The following BMAL2 variants were observed in gnomAD, a reference collection of about 807,000 sequenced individuals.
The protein encoded by BMAL2 is basic helix-loop-helix ARNT-like protein 2.
At chr12:27,332,933 G>C in the BMAL2 span, 5 of 526,122 alleles carry the variant, frequency 9.5e-6, no homozygotes, top group African/African-American at 8.2e-5. Context: ...CTGCGGTGGC[G>C]GCCGCCGCGG....
the BMAL2 span, chr12:27,380,394 A>C: frequency 1.2e-6 from 2 of 1,613,968 alleles, no homozygotes; most frequent in Admixed American, 3.3e-5. Flanking sequence ...AACACTTGAG[A>C]TCTTTAAAAG....
the BMAL2 span, chr12:27,420,590 A>G: frequency 6.7e-7 from 1 of 1,490,514 alleles, no homozygotes; most frequent in Non-Finnish European, 9.0e-7. Flanking sequence ...TTTACGAAAA[A>G]CTGTCTCAAC....
the BMAL2 span, chr12:27,368,291 A>G: frequency 1.2e-6 from 2 of 1,614,126 alleles, no homozygotes; most frequent in Non-Finnish European, 1.7e-6. Context: ...GAACCAGTGC[A>G]TTGCTCCTGT....
chr12:27,387,471 G>A, the BMAL2 span: 1 of 616,078 alleles, frequency 1.6e-6, no homozygotes. Flanking sequence ...AAAGCTGTGT[G>A]GAAAGAGTAA....
At chr12:27,344,646 T>C in the BMAL2 span, among the ~76,000 whole-genome samples, 1 of 152,180 alleles carries the variant, frequency 6.6e-6, no homozygotes, top group Non-Finnish European at 1.5e-5. Flanking sequence ...CCAGATTATC[T>C]AGGATAATCT....
chr12:27,334,789 C>T, the BMAL2 span, among the ~76,000 whole-genome samples: 1 of 152,312 alleles, frequency 6.6e-6, no homozygotes, highest in South Asian at 2.1e-4. Flanking sequence ...TGGGAGAGCC[C>T]GCAGGTATGA....
the BMAL2 span, chr12:27,368,168 G>A: frequency 7.0e-7 from 1 of 1,438,702 alleles, no homozygotes; most frequent in Non-Finnish European, 9.4e-7. Context: ...TAAATATCAA[G>A]ATAGAAAAGT....
the BMAL2 span, among the ~76,000 whole-genome samples, chr12:27,371,550 G>A: frequency 6.6e-6 from 1 of 152,110 alleles, no homozygotes; most frequent in East Asian, 1.9e-4. Flanking sequence ...GGATAAACAC[G>A]AACTAAGTCA....
At chr12:27,390,070 T>C in the BMAL2 span, 1 of 1,607,628 alleles carries the variant, frequency 6.2e-7, no homozygotes, top group East Asian at 2.2e-5. Context: ...TTTCCACCTA[T>C]TCTCTCGCCC....
chr12:27,374,876 T>G, the BMAL2 span, among the ~76,000 whole-genome samples: 1 of 152,176 alleles, frequency 6.6e-6, no homozygotes, highest in South Asian at 2.1e-4. Context: ...GAGAATCAAG[T>G]GTGGAAATAT....
the BMAL2 span, among the ~76,000 whole-genome samples, chr12:27,356,111 A>G: frequency 3.7e-3 from 565 of 152,254 alleles, 4 homozygotes; most frequent in African/African-American, 0.013. Flanking sequence ...TATTTCCCCA[A>G]CCAAGATGGA....
chr12:27,384,329 A>G, the BMAL2 span, among the ~76,000 whole-genome samples: 1 of 152,220 alleles, frequency 6.6e-6, no homozygotes, highest in African/African-American at 2.4e-5. Context: ...TCATTTTAAT[A>G]TAACTCAGTG....
At chr12:27,366,499 A>T in the BMAL2 span, among the ~76,000 whole-genome samples, 1 of 152,180 alleles carries the variant, frequency 6.6e-6, no homozygotes, top group Non-Finnish European at 1.5e-5. Context: ...ATTGCTTTAA[A>T]CTTTTTATAT....
At chr12:27,350,757 G>A in the BMAL2 span, among the ~76,000 whole-genome samples, 3 of 147,882 alleles carry the variant, frequency 2.0e-5, no homozygotes, top group South Asian at 6.5e-4. Flanking sequence ...TCAGCTCACT[G>A]CAACCTCCTC....
the BMAL2 span, among the ~76,000 whole-genome samples, chr12:27,364,397 A>C: frequency 9.2e-5 from 14 of 152,126 alleles, no homozygotes; most frequent in Non-Finnish European, 1.8e-4. Flanking sequence ...TTCCATAGAG[A>C]AAACCAATTG....
chr12:27,362,305 A>T, the BMAL2 span, among the ~76,000 whole-genome samples: 1 of 152,176 alleles, frequency 6.6e-6, no homozygotes, highest in East Asian at 1.9e-4. Flanking sequence ...CTCATGTGGT[A>T]GGTGGTGATC....
the BMAL2 span, chr12:27,394,423 C>T: frequency 6.6e-6 from 1 of 152,126 alleles, no homozygotes; most frequent in African/African-American, 2.4e-5. Flanking sequence ...TTAATACTTG[C>T]CTCCCACACG....
the BMAL2 span, among the ~76,000 whole-genome samples, chr12:27,403,062 C>A: frequency 5.1e-4 from 78 of 152,192 alleles, no homozygotes; most frequent in African/African-American, 1.8e-3. Flanking sequence ...TCAATTGTGA[C>A]ACTCTTGGAC....
the BMAL2 span, among the ~76,000 whole-genome samples, chr12:27,362,122 A>T: frequency 6.6e-6 from 1 of 152,162 alleles, no homozygotes; most frequent in Non-Finnish European, 1.5e-5. Flanking sequence ...GGAATGGTTG[A>T]GGGTCTGGTA....
Sources: allele counts gnomAD v4.1 joint callset (sites outside exome capture counted in the v4.1 genomes callset), GRCh38; gene constraint gnomAD v4.1.1; transcripts MANE v1.5; gene names NCBI Gene and HGNC (gene_info 2026-07-23, HGNC 2026-07-21).